The following FGF13 variants were observed in gnomAD, a reference collection of about 807,000 sequenced individuals.
The protein encoded by FGF13 is fibroblast growth factor homologous factor 2.
Under a neutral mutation model 19.5 loss-of-function variants are expected in FGF13, and 2 were observed. The observed-to-expected ratio is 0.10, with a 90% confidence interval of 0.04 to 0.32. The LOEUF (loss-of-function observed/expected upper bound fraction) is 0.32. FGF13 is among the 10% of genes least tolerant of loss of function. FGF13 has a pLI of 1.00. For synonymous variants in FGF13, 72 were observed against 76.9 expected (o/e 0.94, Z 0.33); for missense variants, 113 against 192.7 (o/e 0.59, Z 2.45).
At chrX:138,687,420 T>C (rs1029299292) in intron 3 of FGF13, among the ~76,000 whole-genome samples, 3 of 111,972 alleles carry the variant, frequency 2.7e-5, no homozygotes. Flanking sequence ...ACATAACTAA[T>C]CATCAGGAAA....
At chrX:139,114,713 T>A (rs1306326118) in intron 1 of FGF13, among the ~76,000 whole-genome samples, 1 of 112,131 alleles carries the variant, frequency 8.9e-6, no homozygotes, top group African/African-American at 3.2e-5. Flanking sequence ...CATGATGTTT[T>A]CTCAATATTA....
At chrX:138,750,336 T>C (rs2090389194) in intron 3 of FGF13, among the ~76,000 whole-genome samples, 1 of 112,215 alleles carries the variant, frequency 8.9e-6, no homozygotes. Context: ...TATATTACAA[T>C]GCTAAACTGT....
At chrX:138,865,469 CT>C (rs2091316420) in intron 1 of FGF13, among the ~76,000 whole-genome samples, 1 of 87,087 alleles carries the variant, frequency 1.1e-5, no homozygotes, top group African/African-American at 5.8e-5. Flanking sequence ...CTCTCTCTCT[CT>C]CTCCTCTCTC....
At chrX:138,696,838 G>C (rs2089901197) in intron 3 of FGF13, among the ~76,000 whole-genome samples, 1 of 112,004 alleles carries the variant, frequency 8.9e-6, no homozygotes, top group Admixed American at 9.5e-5. Context: ...CTATTCATCA[G>C]CAAAAGCATT....
chrX:139,201,272 T>C (rs1356978855), intron 1 of FGF13, among the ~76,000 whole-genome samples: 2 of 112,103 alleles, frequency 1.8e-5, no homozygotes, highest in Non-Finnish European at 3.8e-5. Context: ...CTTAAGGCCA[T>C]ATTTCATTCA....
At chrX:138,875,661 A>G (rs1005472706) in intron 1 of FGF13, among the ~76,000 whole-genome samples, 1 of 111,398 alleles carries the variant, frequency 9.0e-6, no homozygotes, top group Admixed American at 9.5e-5. Context: ...GCCTCACCCA[A>G]TCAGTTGAAG....
At chrX:139,127,424 C>A (rs1009970544) in intron 1 of FGF13, among the ~76,000 whole-genome samples, 1 of 111,419 alleles carries the variant, frequency 9.0e-6, no homozygotes, top group Non-Finnish European at 1.9e-5. Context: ...TTACCTGTGG[C>A]GGATTAGTGT....
rs1455959189 is a variant in FGF13, at chrX:138,818,368, A to G, written c.217+39144T>C. Among the ~76,000 whole-genome samples the G allele has an allele frequency of 4.5e-5, 5 of 110,187 alleles. No individual in the cohort carries two copies. The East Asian group carries it at 1.4e-3, about 31-fold the overall frequency. On this transcript the variant is annotated intron_variant, in intron 3 of 6. Transcript: ENST00000436198. ...TATCTCAGTCTACTTAAGGAAGGCT[A>G]TGTCCATACGAAGGAATTTCTTATT...
intron 2 of FGF13, 126 bp from the exon 3 acceptor site, chrX:138,703,213 C>T: frequency 2.0e-6 from 1 of 508,846 alleles, no homozygotes; most frequent in Admixed American, 2.8e-5. Context: ...GCATATATGT[C>T]TGTTTATGTA....
intron 3 of FGF13, among the ~76,000 whole-genome samples, chrX:138,748,082 C>A (rs1300430028): frequency 9.0e-6 from 1 of 111,335 alleles, no homozygotes; most frequent in Non-Finnish European, 1.9e-5. Context: ...CAGCATAATC[C>A]CCCTCCTTTG....
At position 138,789,081 on chromosome X, in the gene FGF13, G is replaced by C. The variant is rs748534460; in HGVS notation, c.217+68431C>G. Among the ~76,000 whole-genome samples the C allele has an allele frequency of 2.7e-5, 3 of 112,119 alleles. No homozygotes were observed. In the South Asian group the frequency reaches 1.1e-3, roughly 42 times the overall value. On this transcript the variant is annotated intron_variant, in intron 3 of 6. Coordinates refer to the FGF13 transcript ENST00000436198. ...TCTTTTCTTCATTGTCTAGTAACAT[G>C]TTCCTCATTTCCATCTGAAATTTCA...
chrX:138,669,516 C>G (rs947793366), intron 3 of FGF13, among the ~76,000 whole-genome samples: 4 of 111,484 alleles, frequency 3.6e-5, no homozygotes, highest in African/African-American at 1.3e-4. Flanking sequence ...CAACAAATAA[C>G]TGTCTCTTTT....
rs185559157 is a variant in FGF13, at chrX:138,999,385, A to G, written c.-112-134735T>C. On this transcript the variant is annotated intron_variant, in intron 1 of 2. Transcript: ENST00000421460. Reference sequence around the variant, plus strand: ...ACACGAAAAACCCTTCAAAAAATCAATGAATCCAGGAGCTGGTTTTTGGAA... The same window carrying G: ...ACACGAAAAACCCTTCAAAAAATCAGTGAATCCAGGAGCTGGTTTTTGGAA... Among the ~76,000 whole-genome samples the G allele has an allele frequency of 9.4e-3, 1,049 of 111,763 alleles. 10 individuals are homozygous for G. The highest frequency in any genetic ancestry group is 0.032 in the African/African-American group (972 of 30,778).
At chrX:139,054,337 A>G (rs1044054777) in intron 1 of FGF13, among the ~76,000 whole-genome samples, 1 of 108,997 alleles carries the variant, frequency 9.2e-6, no homozygotes, top group African/African-American at 3.3e-5. Flanking sequence ...GTTAGCCAGG[A>G]TGTTCTCGAT....
At chrX:138,869,239 A>G in intron 1 of FGF13, among the ~76,000 whole-genome samples, 1 of 112,156 alleles carries the variant, frequency 8.9e-6, no homozygotes, top group Middle Eastern at 4.6e-3. Flanking sequence ...AAGTACATTA[A>G]CAACCCATCT....
intron 1 of FGF13, among the ~76,000 whole-genome samples, chrX:138,883,523 T>C (rs1033451669): frequency 4.5e-5 from 5 of 111,496 alleles, no homozygotes; most frequent in Non-Finnish European, 9.4e-5. Flanking sequence ...AGCGGAGGTA[T>C]AGAGTCATGG....
intron 3 of FGF13, among the ~76,000 whole-genome samples, chrX:138,822,366 C>A (rs1020705717): frequency 1.8e-5 from 2 of 111,889 alleles, no homozygotes; most frequent in Non-Finnish European, 3.8e-5. Flanking sequence ...AAACAAATTA[C>A]CAAAAGCTAC....
Position 138,635,781 on chromosome X carries a change from T to C in FGF13, c.403-126A>G, listed in dbSNP as rs772026322. The C allele has an allele frequency of 1.4e-3, 679 of 475,917 alleles. 1 individual carries two copies. Among genetic ancestry groups the C allele is most frequent in the Non-Finnish European group, 1.9e-3 (531 of 278,608 alleles). The allele number at this position is 475,917 out of a possible 1,213,427, so 39.2% of individuals were successfully genotyped here. A position where few individuals can be genotyped will look rare whatever the true frequency, so the allele number is the denominator to read the frequency against. On this transcript the variant is annotated intron_variant, in intron 3 of 4. Coordinates refer to ENST00000315930, the MANE Select transcript of FGF13 (RefSeq NM_004114.5). ...AAAAGCTCGTGTGACTGGTGCTCTA[T>C]TTTAATAGCATAAACTATCATCATT...
chrX:138,699,739 C>G (rs1402437593), intron 3 of FGF13, among the ~76,000 whole-genome samples: 3 of 112,246 alleles, frequency 2.7e-5, no homozygotes, highest in Non-Finnish European at 5.6e-5. Context: ...CATTATTTGA[C>G]AAGCTCTCTC....
Sources: gnomAD v4.1 joint callset for allele counts (sites outside exome capture counted in the v4.1 genomes callset) on GRCh38, gnomAD v4.1.1 for gene constraint, MANE v1.5 for transcripts, NCBI Gene and HGNC (gene_info 2026-07-23, HGNC 2026-07-21) for gene names.